CAMKMT: variants seen among roughly 807,000 people sequenced by gnomAD.
CAMKMT encodes CaM KMT.
In CAMKMT, 53 loss-of-function variants were observed where a neutral mutation model predicts 48.0. That is an observed-to-expected ratio of 1.10 (90% confidence interval 0.89 to 1.39). CAMKMT has a LOEUF of 1.39. Ranked by LOEUF, CAMKMT falls within the 40% of genes most tolerant of loss-of-function variation. The pLI is 0.00. For missense variants in CAMKMT, 428 were observed against 402.7 expected (o/e 1.06, Z -0.54); for synonymous variants, 165 against 152.3 (o/e 1.08, Z -0.61).
chr2:44,662,793 G>C (rs1674750212), intron 3 of CAMKMT, among the ~76,000 whole-genome samples: 2 of 151,984 alleles, frequency 1.3e-5, no homozygotes, highest in African/African-American at 4.8e-5. Flanking sequence ...TGAACTCCTG[G>C]GCTCAAGCGA....
chr2:44,563,101 T>C (rs1487970845), intron 3 of CAMKMT, among the ~76,000 whole-genome samples: 2 of 152,198 alleles, frequency 1.3e-5, no homozygotes, highest in African/African-American at 4.8e-5. Flanking sequence ...GCCGAGAGAT[T>C]AAATTAAAAC....
Position 44,652,611 on chromosome 2 carries a change from C to G in CAMKMT, c.377-51672C>G, listed in dbSNP as rs189660064. Among the ~76,000 whole-genome samples, 30 of 152,354 alleles carry G rather than the reference C, an allele frequency of 2.0e-4. No homozygotes were observed. In the East Asian group the frequency reaches 5.2e-3, roughly 26 times the overall value. ...TGCATCTCACCACCACTGCCTCCCC[C>G]TCTCCAAAGTAACAAGCGCATGCAC... On this transcript the variant is annotated intron_variant, in intron 3 of 10. Coordinates refer to ENST00000378494, the MANE Select transcript of CAMKMT (RefSeq NM_024766.5).
At chr2:44,738,792 T>C (rs1679505052) in intron 7 of CAMKMT, among the ~76,000 whole-genome samples, 1 of 152,178 alleles carries the variant, frequency 6.6e-6, no homozygotes, top group Non-Finnish European at 1.5e-5. Context: ...TTAGAAGTGC[T>C]GGACTGAAAA....
chr2:44,546,477 C>T lies in CAMKMT; in HGVS notation c.376+156172C>T, dbSNP rs17032355. ...TCGATAAATCTCATCCCTAAAGAGT[C>T]CAGCAGGCCTTTGATTCCTGACCTG... On this transcript the variant is annotated intron_variant, in intron 3 of 10. Coordinates refer to ENST00000378494, the MANE Select transcript of CAMKMT (RefSeq NM_024766.5). 9.5e-3 allele frequency among the ~76,000 whole-genome samples: 1,448 copies of T among 152,288 alleles called. 17 individuals carry two copies. Among genetic ancestry groups the T allele is most frequent in the African/African-American group, 0.028 (1,155 of 41,558 alleles).
intron 3 of CAMKMT, among the ~76,000 whole-genome samples, chr2:44,532,546 T>A (rs1299063492): frequency 1.3e-5 from 2 of 152,118 alleles, no homozygotes; most frequent in Non-Finnish European, 2.9e-5. Context: ...TTGCCTCCCC[T>A]CAAACAGCTT....
intron 3 of CAMKMT, among the ~76,000 whole-genome samples, chr2:44,559,322 G>A (rs971592482): frequency 3.9e-5 from 6 of 152,178 alleles, no homozygotes; most frequent in Non-Finnish European, 7.4e-5. Context: ...TCACTAATAG[G>A]AAGTGCATTC....
chr2:44,447,139 T>A (rs1051785164), intron 3 of CAMKMT, among the ~76,000 whole-genome samples: 1 of 152,220 alleles, frequency 6.6e-6, no homozygotes, highest in African/African-American at 2.4e-5. Context: ...ATCTGTATAT[T>A]GCTTTGTGCT....
intron 7 of CAMKMT, among the ~76,000 whole-genome samples, chr2:44,732,114 G>C (rs912381785): frequency 2.0e-5 from 3 of 152,020 alleles, no homozygotes; most frequent in African/African-American, 4.8e-5. Context: ...ACCACAACTG[G>C]CTAATTTTTT....
rs903705439 is a variant in CAMKMT at position 44,380,360 on chromosome 2, C to T, written c.311+7472C>T. 2.6e-5 allele frequency among the ~76,000 whole-genome samples: 4 copies of T among 152,040 alleles called. No individual in the cohort carries two copies. In the South Asian group the frequency reaches 8.3e-4, roughly 32 times the overall value. ...TACTCTGAGTATGTTGGCAAAAAAT[C>T]GTAGTTGTCACATAACATTAATTAC... is the stretch of plus-strand genomic sequence containing the variant. On this transcript the variant is annotated intron_variant, in intron 2 of 10. Coordinates refer to ENST00000378494, the MANE Select transcript of CAMKMT (RefSeq NM_024766.5).
At chr2:44,700,153 T>C (rs1677180808) in intron 3 of CAMKMT, among the ~76,000 whole-genome samples, 1 of 152,260 alleles carries the variant, frequency 6.6e-6, no homozygotes, top group Admixed American at 6.5e-5. Context: ...AAACTTTTCT[T>C]CTGCAGATTC....
intron 3 of CAMKMT, among the ~76,000 whole-genome samples, chr2:44,629,286 C>T (rs1033967811): frequency 3.8e-4 from 58 of 152,042 alleles, no homozygotes; most frequent in Non-Finnish European, 6.2e-4. Flanking sequence ...TCTTTATCCT[C>T]AGTAATATTT....
chr2:44,699,802 AT>A (rs1477761998), intron 3 of CAMKMT, among the ~76,000 whole-genome samples: 1 of 152,056 alleles, frequency 6.6e-6, no homozygotes, highest in African/African-American at 2.4e-5. Flanking sequence ...AGGCGCTATG[AT>A]TTTTAGAATG....
At position 44,754,116 on chromosome 2, in the gene CAMKMT, AG is replaced by A; in HGVS notation, c.762+1del. 6.2e-7 allele frequency: 1 copy of A among 1,612,750 alleles called. No individual in the cohort carries two copies. The highest frequency in any genetic ancestry group is 8.5e-7 in the Non-Finnish European group (1 of 1,178,744). ...TGCAATAAAGAGATTACTCCAGCCCAGGGTAAGTATGTTTCTATTTTCTCCT... is the reference window on the plus strand; with the variant it reads ...TGCAATAAAGAGATTACTCCAGCCCAGGTAAGTATGTTTCTATTTTCTCCT... The part of the protein sequence containing the change: ...VDAIKRLLQP[R>X]GKAMVFAPRR... On this transcript the variant is annotated frameshift_variant and splice_region_variant, in exon 9 of 11. Coordinates refer to ENST00000378494, the MANE Select transcript of CAMKMT (RefSeq NM_024766.5). LOFTEE classifies it high-confidence loss of function.
At chr2:44,460,151 T>G (rs534330494) in intron 3 of CAMKMT, among the ~76,000 whole-genome samples, 33 of 152,322 alleles carry the variant, frequency 2.2e-4, no homozygotes, top group Middle Eastern at 6.8e-3. Flanking sequence ...AGATTCTGCT[T>G]TAATTTGCAT....
At chr2:44,612,740 T>G (rs1476389608) in intron 3 of CAMKMT, among the ~76,000 whole-genome samples, 1 of 152,212 alleles carries the variant, frequency 6.6e-6, no homozygotes, top group African/African-American at 2.4e-5. Context: ...GTTTATTAAG[T>G]AACATGTTTA....
intron 1 of CAMKMT, among the ~76,000 whole-genome samples, chr2:44,372,254 G>T (rs148867675): frequency 6.6e-6 from 1 of 152,216 alleles, no homozygotes; most frequent in East Asian, 1.9e-4. Context: ...GGAGGCCAGG[G>T]TTGAAGATCA....
intron 3 of CAMKMT, chr2:44,549,887 T>G (rs1256543853): frequency 6.0e-6 from 2 of 334,020 alleles, no homozygotes; most frequent in Non-Finnish European, 1.1e-5. Context: ...ATGTGAAGAG[T>G]GTCTTTATCC....
chr2:44,672,695 A>G (rs1419081740), intron 3 of CAMKMT, among the ~76,000 whole-genome samples: 2 of 152,156 alleles, frequency 1.3e-5, no homozygotes, highest in Non-Finnish European at 2.9e-5. Flanking sequence ...TATTTACCAG[A>G]TATCAACCAA....
At chr2:44,526,993 A>G (rs1475200559) in intron 3 of CAMKMT, among the ~76,000 whole-genome samples, 4 of 151,696 alleles carry the variant, frequency 2.6e-5, no homozygotes, top group Non-Finnish European at 4.4e-5. Context: ...ACAACCAATT[A>G]TAGAGCATTT....
Sources: gnomAD v4.1 joint callset for allele counts (sites outside exome capture counted in the v4.1 genomes callset) on GRCh38, gnomAD v4.1.1 for gene constraint, MANE v1.5 for transcripts, NCBI Gene and HGNC (gene_info 2026-07-23, HGNC 2026-07-21) for gene names.